The following MATR3 variants were observed in gnomAD, a reference collection of about 807,000 sequenced individuals.
The protein encoded by MATR3 is matrin 3, also known as matrin-3.
In MATR3, 4 loss-of-function variants were observed where a neutral mutation model predicts 85.5. The ratio of observed to expected loss-of-function variants is 0.05; its 90% CI spans 0.02 to 0.11. MATR3 has a LOEUF of 0.11. Among genes scored for constraint, MATR3 ranks in the 10% least tolerant of loss-of-function variants. MATR3 has a pLI of 1.00. For missense variants in MATR3, 685 were observed against 1,016.1 expected (o/e 0.67, Z 4.43); for synonymous variants, 336 against 343.1 (o/e 0.98, Z 0.23).
intron 2 of MATR3, chr5:139,311,389 A>G (rs1246250970): frequency 1.3e-5 from 2 of 152,124 alleles, no homozygotes; most frequent in African/African-American, 4.8e-5. Context: ...AGGGATATAT[A>G]TTTTTATAAA....
In MATR3 at chr5:139,325,522, G is replaced by T; in HGVS notation, c.2231G>T (p.Gly744Val). ...GIKNEENTEP[G>V]AESSENADDP... ...AAAAATGAGGAAAACACAGAACCAGGTGCTGAATCTTCTGAGAACGCTGAT... is the reference window on the plus strand; with the variant it reads ...AAAAATGAGGAAAACACAGAACCAGTTGCTGAATCTTCTGAGAACGCTGAT... The change falls in exon 13 of 15, where the codon GGT (glycine) becomes GTT (valine). Residue 744 changes from glycine to valine, a missense_variant. This residue lies in a region of MATR3 where 215 missense variants were observed against 194.7 expected (regional missense o/e 1.10). Transcript: ENST00000394805. 6.2e-7 allele frequency: 1 copy of T among 1,614,184 alleles called. No individual in the cohort carries two copies.
chr5:139,281,492 G>T (rs775860336), intron 3 of MATR3, among the ~76,000 whole-genome samples: 2 of 151,086 alleles, frequency 1.3e-5, no homozygotes, highest in Non-Finnish European at 2.9e-5. Flanking sequence ...ATAGTCACAC[G>T]CCACCACACC....
intron 5 of MATR3, among the ~76,000 whole-genome samples, chr5:139,316,412 A>C (rs1012720996): frequency 6.6e-6 from 1 of 151,328 alleles, no homozygotes; most frequent in Admixed American, 6.6e-5. Flanking sequence ...CGCCCAGCTA[A>C]TTTTCGTATT....
At position 139,298,923 on chromosome 5, in the gene MATR3, G is replaced by A. The variant is rs538246903; in HGVS notation, c.-178+5118G>A. Among the ~76,000 whole-genome samples the A allele has an allele frequency of 2.6e-5, 4 of 152,294 alleles. No homozygotes were observed. In the South Asian group the frequency reaches 6.2e-4, roughly 24 times the overall value. ...ATGATACCTATATTGCAGTGAAAAT[G>A]TAGGTTTAACTCACAATTGTGGATA... On this transcript the variant is annotated intron_variant, in intron 1 of 14. Transcript: ENST00000394805.
chr5:139,322,097 T>C (rs1365881978), intron 10 of MATR3, 68 bp downstream of exon 10: 16 of 1,530,960 alleles, frequency 1.0e-5, no homozygotes, highest in Non-Finnish European at 1.4e-5. Context: ...CAACATTCTT[T>C]TAAACATTTT....
At chr5:139,291,416 G>A (rs557636740), upstream of MATR3, among the ~76,000 whole-genome samples, 2 of 152,360 alleles carry the variant, frequency 1.3e-5, no homozygotes, top group Admixed American at 1.3e-4. Context: ...TATTGACACA[G>A]TAGGTACTCA....
chr5:139,307,155 A>G lies in MATR3; in HGVS notation c.-177-84A>G, dbSNP rs1438139426. On this transcript the variant is annotated intron_variant, in intron 1 of 14. Coordinates refer to ENST00000394805, the MANE Select transcript of MATR3 (RefSeq NM_018834.6). The surrounding 1 kb of genome is among the most constrained non-coding windows in gnomAD (Gnocchi z 4.4). ...ATCTTAAATGTTTTTTTTTTAAATCAACATGATGCATAAGTTTTTTTTTCT... is the reference window on the plus strand; with the variant it reads ...ATCTTAAATGTTTTTTTTTTAAATCGACATGATGCATAAGTTTTTTTTTCT... The G allele has an allele frequency of 5.1e-6, 5 of 984,166 alleles. No individual in the cohort carries two copies. The highest frequency in any genetic ancestry group is 1.7e-5 in the African/African-American group (1 of 58,728). 61.0% of individuals were successfully genotyped at this position (984,166 alleles called of 1,614,324 possible).
In MATR3 at chr5:139,318,899, T is replaced by C; in HGVS notation, c.1309-9T>C. On this transcript the variant is annotated splice_polypyrimidine_tract_variant and intron_variant, in intron 7 of 14. Coordinates refer to ENST00000394805, the MANE Select transcript of MATR3 (RefSeq NM_018834.6). ...AAAAACAGAGAAATAACTTTTTGTA[T>C]AATTTCAGGCATTTATTGAAATGGC... The C allele has an allele frequency of 6.2e-7, 1 of 1,608,790 alleles. No homozygotes were observed. The highest frequency in any genetic ancestry group is 8.5e-7 in the Non-Finnish European group (1 of 1,175,666).
intron 1 of MATR3, among the ~76,000 whole-genome samples, chr5:139,305,907 T>C (rs984877015): frequency 1.3e-5 from 2 of 152,210 alleles, no homozygotes; most frequent in African/African-American, 4.8e-5. Flanking sequence ...TATTTGTCCA[T>C]TGTATCCTTG....
At chr5:139,297,306 C>T (rs1445625286) in intron 1 of MATR3, among the ~76,000 whole-genome samples, 1 of 152,144 alleles carries the variant, frequency 6.6e-6, no homozygotes, top group Non-Finnish European at 1.5e-5. Flanking sequence ...GTTGGTTATT[C>T]TAAGGCACAA....
At chr5:139,321,780 CTCAAAAA>C in intron 9 of MATR3, 111 bp from the exon 10 acceptor site, 1 of 841,294 alleles carries the variant, frequency 1.2e-6, no homozygotes, top group South Asian at 1.7e-5. Flanking sequence ...GAGACCCTGT[CTCAAAAA>C]AGAAAAAAAG....
chr5:139,314,810 A>G (rs1755162071), intron 3 of MATR3, 74 bp downstream of exon 3: 1 of 1,332,848 alleles, frequency 7.5e-7, no homozygotes, highest in East Asian at 2.3e-5. Flanking sequence ...TTGGGAGTTC[A>G]TCATTTACTT....
At chr5:139,315,636 C>G in intron 3 of MATR3, 61 bp from the exon 4 acceptor site, 1 of 1,111,874 alleles carries the variant, frequency 9.0e-7, no homozygotes, top group Non-Finnish European at 1.4e-6. Flanking sequence ...AGAGGCCAAA[C>G]AAGGCTGTTT....
chr5:139,297,808 T>A (rs1754233592), intron 1 of MATR3, among the ~76,000 whole-genome samples: 1 of 152,196 alleles, frequency 6.6e-6, no homozygotes, highest in Non-Finnish European at 1.5e-5. Context: ...TGAAAAAATT[T>A]TAAAGCTATT....
In MATR3 at chr5:139,331,038, G is replaced by A. The variant is rs902682833; in HGVS notation, c.*1643G>A. 1.5e-5 allele frequency: 7 copies of A among 453,826 alleles called. No homozygotes were observed. Among genetic ancestry groups the A allele is most frequent in the South Asian group, 3.1e-5 (2 of 64,462 alleles). The allele number at this position is 453,826 out of a possible 1,614,324, so 28.1% of individuals were successfully genotyped here. On this transcript the variant is annotated 3_prime_UTR_variant, in exon 15 of 15. Transcript: ENST00000394805. Reference sequence around the variant, plus strand: ...ATTCCTGGGCCCAAGTGATCTGCTCGCTTCAGCCTCCCAAAGTGCTGGGAC... The same window carrying A: ...ATTCCTGGGCCCAAGTGATCTGCTCACTTCAGCCTCCCAAAGTGCTGGGAC...
chr5:139,300,469 A>G (rs1440945721), intron 1 of MATR3, among the ~76,000 whole-genome samples: 1 of 152,212 alleles, frequency 6.6e-6, no homozygotes, highest in Non-Finnish European at 1.5e-5. Context: ...CGGTGCAGAT[A>G]AAAAGTTTAT....
At chr5:139,304,502 A>G (rs914160210) in intron 1 of MATR3, among the ~76,000 whole-genome samples, 8 of 142,060 alleles carry the variant, frequency 5.6e-5, no homozygotes, top group African/African-American at 2.0e-4. Context: ...CTCCATCTGA[A>G]AAAAAAAAAA....
At chr5:139,292,360 AT>A (rs1362765129), upstream of MATR3, among the ~76,000 whole-genome samples, 1 of 152,202 alleles carries the variant, frequency 6.6e-6, no homozygotes, top group Non-Finnish European at 1.5e-5. Flanking sequence ...TAAACTGCTT[AT>A]TGCATTGCCC....
intron 12 of MATR3, among the ~76,000 whole-genome samples, chr5:139,324,682 C>T (rs1755755851): frequency 6.6e-6 from 1 of 152,142 alleles, no homozygotes; most frequent in Non-Finnish European, 1.5e-5. Context: ...AAGGATATTG[C>T]TCAACTTTTA....
Sources: gnomAD v4.1 joint callset for allele counts (sites outside exome capture counted in the v4.1 genomes callset) on GRCh38, gnomAD v4.1.1 for gene constraint, gnomAD v4.1.1 regional missense constraint, Gnocchi (gnomAD v3.1) non-coding constraint, MANE v1.5 for transcripts, NCBI Gene and HGNC (gene_info 2026-07-23, HGNC 2026-07-21) for gene names.